ITCH: variants seen among roughly 807,000 people sequenced by gnomAD.
The protein encoded by ITCH is E3 ubiquitin-protein ligase Itchy homolog.
In ITCH, 28 loss-of-function variants were observed where a neutral mutation model predicts 126.8. The observed-to-expected ratio is 0.22, with a 90% CI of 0.16 to 0.30. The LOEUF (loss-of-function observed/expected upper bound fraction) is 0.30, where lower values mean the gene tolerates loss of function less well. Among genes scored for constraint, ITCH ranks in the 10% least tolerant of loss-of-function variants. The pLI is 1.00. For missense variants in ITCH, 631 were observed against 1,032.4 expected (o/e 0.61, Z 5.33); for synonymous variants, 342 against 340.0 (o/e 1.01, Z -0.06).
chr20:34,503,251 T>C (rs1990375201), intron 23 of ITCH, among the ~76,000 whole-genome samples: 1 of 152,228 alleles, frequency 6.6e-6, no homozygotes, highest in South Asian at 2.1e-4. Context: ...AAGTTCTTTG[T>C]GTCTGACAGT....
At chr20:34,365,085 A>G (rs1410730602) in intron 1 of ITCH, among the ~76,000 whole-genome samples, 1 of 152,010 alleles carries the variant, frequency 6.6e-6, no homozygotes, top group African/African-American at 2.4e-5. Flanking sequence ...CTGTGGTCCC[A>G]GATACTCAGG....
At chr20:34,367,629 G>A (rs558690081) in intron 1 of ITCH, among the ~76,000 whole-genome samples, 2 of 152,340 alleles carry the variant, frequency 1.3e-5, no homozygotes, top group Admixed American at 6.5e-5. Flanking sequence ...GATGTCTCCT[G>A]TGGACAGTTA....
In ITCH at chr20:34,384,798, C is replaced by T. The variant is rs144858946; in HGVS notation, c.-21-8993C>T. ...GCCTCAGCCTCCCAAGTACCTGGGA[C>T]TACAGGCGCCCGCCACCACACCTGG... is the stretch of plus-strand genomic sequence containing the variant. On this transcript the variant is annotated intron_variant, in intron 2 of 24. Transcript: ENST00000374864. 2.3e-3 allele frequency among the ~76,000 whole-genome samples: 343 copies of T among 151,232 alleles called. 9 individuals carry two copies. The East Asian group carries it at 0.061, about 27-fold the overall frequency.
chr20:34,498,923 ATGTT>A (rs1183268917), intron 23 of ITCH, among the ~76,000 whole-genome samples: 3 of 151,140 alleles, frequency 2.0e-5, no homozygotes, highest in African/African-American at 7.3e-5. Flanking sequence ...TCTTCTTTAA[ATGTT>A]TGTTAGAATT....
intron 16 of ITCH, chr20:34,476,556 C>G: frequency 3.9e-6 from 3 of 767,560 alleles, no homozygotes; most frequent in Non-Finnish European, 5.1e-6. Context: ...TGCTGTATAC[C>G]TAGCCTATAC....
intron 24 of ITCH, among the ~76,000 whole-genome samples, chr20:34,506,970 G>T (rs955663978): frequency 1.3e-5 from 2 of 152,040 alleles, no homozygotes; most frequent in African/African-American, 2.4e-5. Flanking sequence ...ACATTCATCT[G>T]TCCATGGACA....
intron 7 of ITCH, among the ~76,000 whole-genome samples, chr20:34,437,349 A>G (rs1568939415): frequency 6.6e-6 from 1 of 152,164 alleles, no homozygotes; most frequent in East Asian, 1.9e-4. Context: ...TCTGTCTCCC[A>G]GGTTGGAGTG....
At position 34,462,122 on chromosome 20, in the gene ITCH, G is replaced by T. The variant is rs1399431957; in HGVS notation, c.1325G>T (p.Gly442Val). 1.9e-6 allele frequency: 3 copies of T among 1,613,644 alleles called. No homozygotes were observed. The change falls in exon 14 of 25, where the codon GGT becomes GTT. Residue 442 changes from glycine (G) to valine (V), a missense_variant. Gly to Val is a moderately radical substitution (Grantham distance 109). This residue lies in a region of ITCH where 390 missense variants were observed against 731.6 expected (regional missense o/e 0.53). Coordinates refer to ENST00000374864, the MANE Select transcript of ITCH (RefSeq NM_031483.7). Reference protein sequence around the residue: ...GQLNEKPLPEGWEMRFTVDGI... With the variant: ...GQLNEKPLPEVWEMRFTVDGI... ...TTAAATGAAAAGCCCTTACCTGAAG[G>T]TTGGGAAATGAGATTCACAGTGGAT...
rs79520981 is a variant in ITCH, at chr20:34,465,506, A to G, written c.1424+3285A>G. On this transcript the variant is annotated intron_variant, in intron 14 of 24. Transcript: ENST00000374864. ...CAATACAGATTCAATATCTGTATCA[A>G]TCTGGGGTAGTGTGGTCATCTTAAC... Among the ~76,000 whole-genome samples, 561 of 152,238 alleles carry G rather than the reference A, an allele frequency of 3.7e-3. 2 individuals are homozygous for G. The highest frequency in any genetic ancestry group is 0.012 in the African/African-American group (479 of 41,536).
chr20:34,455,176 T>C (rs1355999408), intron 12 of ITCH, among the ~76,000 whole-genome samples: 1 of 152,224 alleles, frequency 6.6e-6, no homozygotes, highest in Admixed American at 6.5e-5. Flanking sequence ...AAATTAGCCA[T>C]GTCAACATGG....
chr20:34,415,158 T>C (rs919427814), intron 6 of ITCH, among the ~76,000 whole-genome samples: 1 of 152,160 alleles, frequency 6.6e-6, no homozygotes, highest in South Asian at 2.1e-4. Flanking sequence ...GATCTTTTGG[T>C]TTACTTAGGA....
chr20:34,448,839 A>G (rs574589028), intron 11 of ITCH, among the ~76,000 whole-genome samples: 11 of 152,292 alleles, frequency 7.2e-5, no homozygotes, highest in Admixed American at 3.9e-4. Context: ...CTCTCCACCA[A>G]TGTGATCATT....
At chr20:34,462,280 T>C (rs1986608535) in intron 14 of ITCH, 59 bp downstream of exon 14, 4 of 1,538,904 alleles carry the variant, frequency 2.6e-6, no homozygotes, top group African/African-American at 2.8e-5. Flanking sequence ...GATTTTGATA[T>C]AAAGATTTGT....
At chr20:34,385,623 C>T (rs2038254264) in intron 2 of ITCH, among the ~76,000 whole-genome samples, 2 of 152,122 alleles carry the variant, frequency 1.3e-5, no homozygotes, top group Non-Finnish European at 2.9e-5. Context: ...GTACAGAGTT[C>T]AAACCAGCAA....
chr20:34,453,551 T>G (rs1985505205), intron 12 of ITCH, among the ~76,000 whole-genome samples: 1 of 152,156 alleles, frequency 6.6e-6, no homozygotes, highest in Non-Finnish European at 1.5e-5. Flanking sequence ...GCGCTGTGAT[T>G]GTATCACTGC....
At position 34,507,825 on chromosome 20, in the gene ITCH, G is replaced by C. The variant is rs765984801; in HGVS notation, c.*31G>C. On this transcript the variant is annotated 3_prime_UTR_variant, in exon 25 of 25. Transcript: ENST00000374864. ...GAGAACTTGCACCATGAATGGGCAA[G>C]AACTTATTTGCAATGTTTGTCCTTC... The C allele has an allele frequency of 2.7e-6, 4 of 1,497,428 alleles. No homozygotes were observed. Among genetic ancestry groups the C allele is most frequent in the Non-Finnish European group, 3.7e-6 (4 of 1,074,120 alleles). 92.8% of individuals were successfully genotyped at this position (1,497,428 alleles called of 1,614,324 possible). A position where few individuals can be genotyped will look rare whatever the true frequency, so the allele number is the denominator to read the frequency against.
At position 34,489,937 on chromosome 20, in the gene ITCH, A is replaced by C; in HGVS notation, c.2319+11A>C. On this transcript the variant is annotated intron_variant, in intron 22 of 24. Transcript: ENST00000374864. The stretch of plus-strand genomic sequence containing the variant: ...ATGTGGTTTTGGCAGGTTTGTTTTT[A>C]AATTTATTTCTATTAGTTGACACAG... 5 of 1,600,134 alleles carry C rather than the reference A, an allele frequency of 3.1e-6. No homozygotes were observed. The highest frequency in any genetic ancestry group is 4.3e-6 in the Non-Finnish European group (5 of 1,167,766).
At chr20:34,438,726 C>T (rs1983360742) in intron 8 of ITCH, 95 bp downstream of exon 8, 2 of 1,429,852 alleles carry the variant, frequency 1.4e-6, no homozygotes, top group Non-Finnish European at 2.0e-6. Flanking sequence ...GGTGAATTTT[C>T]TGCGTGTATT....
chr20:34,456,316 C>G (rs1029948927), intron 12 of ITCH, among the ~76,000 whole-genome samples: 1 of 134,898 alleles, frequency 7.4e-6, no homozygotes, highest in Non-Finnish European at 1.6e-5. Flanking sequence ...TCTTGACCTC[C>G]CAGGTTCAGG....
Sources: allele counts gnomAD v4.1 joint callset (sites outside exome capture counted in the v4.1 genomes callset), GRCh38; gene constraint gnomAD v4.1.1; regional missense constraint gnomAD v4.1.1; transcripts MANE v1.5; gene names NCBI Gene and HGNC (gene_info 2026-07-23, HGNC 2026-07-21).